CAST: variants seen among roughly 807,000 people sequenced by gnomAD.
CAST encodes MIR583 host.
In CAST, 76 loss-of-function variants were observed where a neutral mutation model predicts 119.6. That is an observed-to-expected ratio of 0.64 (90% CI 0.53 to 0.77). The LOEUF (loss-of-function observed/expected upper bound fraction) is 0.77. Among genes scored for constraint, CAST ranks in the 30% least tolerant of loss-of-function variants. The pLI, the probability that CAST is intolerant of heterozygous loss-of-function variation, is 0.00. For missense variants in CAST, 953 were observed against 946.5 expected (o/e 1.01, Z -0.09); for synonymous variants, 319 against 331.6 (o/e 0.96, Z 0.41).
chr5:96,270,112 T>G, the CAST span, among the ~76,000 whole-genome samples: 2 of 151,968 alleles, frequency 1.3e-5, no homozygotes, highest in Non-Finnish European at 2.9e-5. Flanking sequence ...ACATGATACA[T>G]CACATTAACA....
At chr5:96,629,896 T>G (rs1747794250) in intron 1 of CAST, among the ~76,000 whole-genome samples, 2 of 152,190 alleles carry the variant, frequency 1.3e-5, no homozygotes, top group African/African-American at 4.8e-5. Flanking sequence ...GTACTATGAA[T>G]TTGCAAACAC....
chr5:96,398,747 T>C, the CAST span: 2 of 784,038 alleles, frequency 2.6e-6, no homozygotes, highest in South Asian at 1.5e-5. Flanking sequence ...AAGGAAAAAA[T>C]AAGCATGTTT....
chr5:96,242,136 G>C, the CAST span, among the ~76,000 whole-genome samples: 5 of 147,008 alleles, frequency 3.4e-5, no homozygotes, highest in South Asian at 4.5e-4. Flanking sequence ...TGAAGTCCTT[G>C]CCCATGCCTA....
the CAST span, among the ~76,000 whole-genome samples, chr5:96,273,586 A>G: frequency 6.6e-6 from 1 of 152,188 alleles, no homozygotes. Context: ...AGTTGGTTAT[A>G]TATTGCTGAC....
At chr5:96,516,368 T>TA in the CAST span, among the ~76,000 whole-genome samples, 31,875 of 149,404 alleles carry the variant, frequency 0.21, 3,835 homozygotes, top group Admixed American at 0.31. Context: ...TATGTGAAAA[T>TA]AAAAAAAAAA....
At chr5:96,325,749 G>A in the CAST span, among the ~76,000 whole-genome samples, 2 of 152,178 alleles carry the variant, frequency 1.3e-5, no homozygotes, top group African/African-American at 2.4e-5. Flanking sequence ...CGAGGTGCTC[G>A]GATTACAGAT....
chr5:96,562,285 A>G (rs957147712), intron 1 of CAST, among the ~76,000 whole-genome samples: 24 of 152,196 alleles, frequency 1.6e-4, no homozygotes, highest in African/African-American at 5.5e-4. Flanking sequence ...TATCACAGAC[A>G]AATCAGTAAG....
the CAST span, chr5:96,399,937 T>C: frequency 6.3e-7 from 1 of 1,579,628 alleles, no homozygotes; most frequent in Non-Finnish European, 8.7e-7. Context: ...TGTTTAAAAT[T>C]CCAGGAGATA....
At chr5:96,710,410 TGAGAGGCTTACAGCTTTTTA>T (rs1755879170) in intron 3 of CAST, among the ~76,000 whole-genome samples, 1 of 152,186 alleles carries the variant, frequency 6.6e-6, no homozygotes, top group Non-Finnish European at 1.5e-5. Flanking sequence ...TAGAATTACG[TGAGAGGCTTACAGCTTTTTA>T]GGCCACAGAC....
the CAST span, among the ~76,000 whole-genome samples, chr5:96,181,822 T>C: frequency 6.6e-6 from 1 of 152,232 alleles, no homozygotes; most frequent in Non-Finnish European, 1.5e-5. Context: ...GATGCATAAA[T>C]ATGCAGACAT....
intron 1 of CAST, chr5:96,663,057 G>A: frequency 1.4e-6 from 1 of 700,674 alleles, no homozygotes; most frequent in East Asian, 2.7e-5. Context: ...AGCGGAGTGT[G>A]AGCCCGGCGC....
In CAST at chr5:96,729,217, A is replaced by C; in HGVS notation, c.435+8A>C. The C allele has an allele frequency of 6.5e-7, 1 of 1,528,392 alleles. No homozygotes were observed. 94.7% of individuals were successfully genotyped at this position (1,528,392 alleles called of 1,614,324 possible). A position where few individuals can be genotyped will look rare whatever the true frequency, so the allele number is the denominator to read the frequency against. On this transcript the variant is annotated splice_region_variant and intron_variant, in intron 7 of 31. Transcript: ENST00000675179. ...CCAAAAGAACACACAGAGGTAAATG[A>C]TTATCATCAGGACTTAATTATAAGG...
At chr5:96,552,614 A>G (rs776082153) in intron 1 of CAST, among the ~76,000 whole-genome samples, 2 of 152,242 alleles carry the variant, frequency 1.3e-5, no homozygotes, top group Non-Finnish European at 2.9e-5. Flanking sequence ...CCTTCAAAAA[A>G]TCAGTGAATA....
chr5:96,603,108 T>C (rs894964541), intron 1 of CAST, among the ~76,000 whole-genome samples: 10 of 152,200 alleles, frequency 6.6e-5, no homozygotes, highest in Non-Finnish European at 1.5e-4. Context: ...GCGTAATGGA[T>C]CATATATTTA....
the CAST span, among the ~76,000 whole-genome samples, chr5:96,154,932 T>G: frequency 1.3e-5 from 2 of 152,200 alleles, no homozygotes; most frequent in African/African-American, 4.8e-5. Flanking sequence ...GTTTTTATAC[T>G]GTACTATTTG....
At chr5:96,526,653 G>T (rs1465082378), upstream of CAST, among the ~76,000 whole-genome samples, 10 of 152,180 alleles carry the variant, frequency 6.6e-5, no homozygotes, top group Non-Finnish European at 8.8e-5. Context: ...CACATAACTT[G>T]CTGCCCTATT....
chr5:96,330,951 C>T, the CAST span, among the ~76,000 whole-genome samples: 7 of 152,002 alleles, frequency 4.6e-5, no homozygotes, highest in Non-Finnish European at 1.0e-4. Context: ...TCACTTGGAT[C>T]CATGCCACTG....
chr5:96,589,645 G>T (rs968884855), intron 1 of CAST, among the ~76,000 whole-genome samples: 1 of 152,126 alleles, frequency 6.6e-6, no homozygotes, highest in Non-Finnish European at 1.5e-5. Context: ...GTTACAATTT[G>T]AGGAGAAAGG....
At chr5:96,439,712 A>G in the CAST span, among the ~76,000 whole-genome samples, 1 of 152,134 alleles carries the variant, frequency 6.6e-6, no homozygotes, top group Non-Finnish European at 1.5e-5. Context: ...GTTGCTTTCT[A>G]GCAGGTGCCA....
Sources: gnomAD v4.1 joint callset for allele counts (sites outside exome capture counted in the v4.1 genomes callset) on GRCh38, gnomAD v4.1.1 for gene constraint, MANE v1.5 for transcripts, NCBI Gene and HGNC (gene_info 2026-07-23, HGNC 2026-07-21) for gene names.